Variants in MEGF11 observed in about 807,000 individuals in gnomAD.
MEGF11 encodes multiple EGF like domains 11.
MEGF11 carries 126 observed loss-of-function variants against 146.6 expected under a neutral mutation model. That is an observed-to-expected ratio of 0.86 (90% CI 0.74 to 1.00). MEGF11 has a LOEUF of 1.00. Among genes scored for constraint, MEGF11 ranks in the 50% least tolerant of loss-of-function variants. MEGF11 has a pLI of 0.00. For synonymous variants in MEGF11, 532 were observed against 583.4 expected (o/e 0.91, Z 1.27); for missense variants, 1,509 against 1,521.2 (o/e 0.99, Z 0.13).
At chr15:66,024,864 G>C (rs772775151) in intron 5 of MEGF11, among the ~76,000 whole-genome samples, 1 of 152,178 alleles carries the variant, frequency 6.6e-6, no homozygotes, top group African/African-American at 2.4e-5. Context: ...GCTCAGCTAA[G>C]AGAGGCCAGA....
Position 65,913,964 on chromosome 15 carries a change from A to G in MEGF11, c.2483T>C (p.Met828Thr). The G allele has an allele frequency of 6.2e-7, 1 of 1,613,566 alleles. No individual in the cohort carries two copies. The highest frequency in any genetic ancestry group is 8.5e-7 in the Non-Finnish European group (1 of 1,179,674). ...KGIRCDQAALMMEELNPYTKI... is the reference protein window; with the variant it reads ...KGIRCDQAALTMEELNPYTKI... ...GGTGTAGGGATTCAGCTCCTCCATCATGAGGGCAGCTGCGGGCAGAGGGAG... is the reference window on the plus strand; with the variant it reads ...GGTGTAGGGATTCAGCTCCTCCATCGTGAGGGCAGCTGCGGGCAGAGGGAG... Residue 828 changes from methionine (M) to threonine (T), a missense_variant, in exon 20 of 26, where the codon ATG becomes ACG. Coordinates refer to ENST00000395614, the MANE Select transcript of MEGF11 (RefSeq NM_001385028.1).
intron 1 of MEGF11, among the ~76,000 whole-genome samples, chr15:66,233,877 A>G (rs1283347139): frequency 6.6e-6 from 1 of 151,804 alleles, no homozygotes; most frequent in East Asian, 1.9e-4. Context: ...GCTCTTAAAA[A>G]GAGATGTCCA....
intron 5 of MEGF11, among the ~76,000 whole-genome samples, chr15:65,995,273 T>A (rs1349517056): frequency 6.6e-6 from 1 of 152,216 alleles, no homozygotes; most frequent in Non-Finnish European, 1.5e-5. Context: ...TCCCAAACTC[T>A]CCATGGGGAA....
intron 5 of MEGF11, among the ~76,000 whole-genome samples, chr15:66,062,701 A>C (rs2084953143): frequency 6.6e-6 from 1 of 152,234 alleles, no homozygotes; most frequent in African/African-American, 2.4e-5. Context: ...ATGCTACTAA[A>C]TATGTGGGAG....
intron 5 of MEGF11, among the ~76,000 whole-genome samples, chr15:66,089,850 C>T (rs1265024505): frequency 6.6e-6 from 1 of 152,154 alleles, no homozygotes; most frequent in East Asian, 1.9e-4. Flanking sequence ...TTTTTATCTC[C>T]ACTTGTGAGA....
At chr15:66,247,809 G>C (rs2092316284) in intron 1 of MEGF11, among the ~76,000 whole-genome samples, 1 of 146,512 alleles carries the variant, frequency 6.8e-6, no homozygotes, top group Admixed American at 6.8e-5. Context: ...GGCCGAGGCT[G>C]GCAGATCACC....
intron 5 of MEGF11, among the ~76,000 whole-genome samples, chr15:66,040,008 G>A (rs191969545): frequency 2.0e-3 from 300 of 150,220 alleles, no homozygotes; most frequent in Non-Finnish European, 3.1e-3. Context: ...GGCGGCGGTG[G>A]GGTGACGGTC....
intron 4 of MEGF11, among the ~76,000 whole-genome samples, chr15:66,094,941 C>T (rs72744419): frequency 0.12 from 18,396 of 152,130 alleles, 1,348 homozygotes; most frequent in South Asian, 0.21. Context: ...AAAGAAGGTC[C>T]CTTCTCACTT....
At chr15:66,209,695 A>G (rs542590528) in intron 1 of MEGF11, among the ~76,000 whole-genome samples, 3 of 152,224 alleles carry the variant, frequency 2.0e-5, no homozygotes, top group African/African-American at 7.2e-5. Flanking sequence ...TTTATATAAC[A>G]TTCTTGAAAT....
intron 4 of MEGF11, among the ~76,000 whole-genome samples, chr15:66,110,863 T>C (rs928090369): frequency 1.3e-5 from 2 of 152,114 alleles, no homozygotes; most frequent in African/African-American, 4.8e-5. Context: ...TCTTGGCACC[T>C]TGATCCTGGC....
chr15:66,092,516 T>C (rs2086361390), intron 5 of MEGF11, among the ~76,000 whole-genome samples: 1 of 152,232 alleles, frequency 6.6e-6, no homozygotes, highest in South Asian at 2.1e-4. Flanking sequence ...AGCCTAGTTC[T>C]GTGCTATAAA....
chr15:66,053,625 C>G (rs1201723782), intron 5 of MEGF11, among the ~76,000 whole-genome samples: 1 of 151,560 alleles, frequency 6.6e-6, no homozygotes, highest in Non-Finnish European at 1.5e-5. Context: ...GGAGACATGG[C>G]CCAGACACTC....
chr15:66,115,449 T>G (rs538553455), intron 4 of MEGF11, among the ~76,000 whole-genome samples: 1 of 152,342 alleles, frequency 6.6e-6, no homozygotes, highest in South Asian at 2.1e-4. Flanking sequence ...TGGGGCCAGT[T>G]GGTGCCCCCT....
intron 8 of MEGF11, chr15:65,967,174 A>AAAGGCGC (rs2081133738): frequency 6.6e-6 from 1 of 152,252 alleles, no homozygotes; most frequent in Non-Finnish European, 1.5e-5. Context: ...GTAAACATTT[A>AAAGGCGC]GAAAGGCGCC....
intron 5 of MEGF11, among the ~76,000 whole-genome samples, chr15:66,037,147 T>C (rs1256640845): frequency 6.6e-6 from 1 of 152,206 alleles, no homozygotes; most frequent in Non-Finnish European, 1.5e-5. Context: ...TCAGTGATGC[T>C]GGGAGGGTGA....
chr15:65,939,103 A>G (rs1314739806), intron 10 of MEGF11, among the ~76,000 whole-genome samples: 1 of 152,158 alleles, frequency 6.6e-6, no homozygotes, highest in African/African-American at 2.4e-5. Flanking sequence ...GTCCCCTTAA[A>G]TATGCTCTGT....
At chr15:66,016,082 C>G (rs368689918) in intron 5 of MEGF11, among the ~76,000 whole-genome samples, 1 of 151,878 alleles carries the variant, frequency 6.6e-6, no homozygotes, top group South Asian at 2.1e-4. Flanking sequence ...AAAGAATTAG[C>G]TATTTATAGA....
chr15:65,937,021 G>C (rs573435845), intron 10 of MEGF11, among the ~76,000 whole-genome samples: 10 of 152,320 alleles, frequency 6.6e-5, no homozygotes, highest in Admixed American at 4.6e-4. Context: ...AAATTACCCA[G>C]TTGGCCTCTA....
At chr15:65,952,532 C>CA (rs1296998135) in intron 10 of MEGF11, among the ~76,000 whole-genome samples, 1 of 152,184 alleles carries the variant, frequency 6.6e-6, no homozygotes, top group Non-Finnish European at 1.5e-5. Context: ...TATGACCCCT[C>CA]ACTCTGCCTT....
Sources: allele counts gnomAD v4.1 joint callset (sites outside exome capture counted in the v4.1 genomes callset), GRCh38; gene constraint gnomAD v4.1.1; transcripts MANE v1.5; gene names NCBI Gene and HGNC (gene_info 2026-07-23, HGNC 2026-07-21).